The following UNC13C variants were observed in gnomAD, a reference collection of about 807,000 sequenced individuals.
UNC13C encodes the protein unc-13 homolog C, also known as protein unc-13 homolog C.
Under a neutral mutation model 245.4 loss-of-function variants are expected in UNC13C, and 174 were observed. The ratio of observed to expected loss-of-function variants is 0.71; its 90% CI spans 0.63 to 0.80. UNC13C has a LOEUF of 0.80. Ranked by LOEUF, UNC13C falls within the 30% of genes least tolerant of loss-of-function variation. The pLI is 0.00. For missense variants in UNC13C, 2,829 were observed against 2,602.9 expected (o/e 1.09, Z -1.89); for synonymous variants, 992 against 895.1 (o/e 1.11, Z -1.93).
intron 17 of UNC13C, among the ~76,000 whole-genome samples, chr15:54,342,341 G>A (rs1228783109): frequency 6.6e-6 from 1 of 152,064 alleles, no homozygotes; most frequent in Admixed American, 6.6e-5. Context: ...TATAAAATTG[G>A]ATTTTACAAA....
intron 17 of UNC13C, among the ~76,000 whole-genome samples, chr15:54,378,520 T>C (rs1410505425): frequency 6.6e-6 from 1 of 151,908 alleles, no homozygotes; most frequent in Non-Finnish European, 1.5e-5. Context: ...TACCATAAAC[T>C]TAATTAAATG....
chr15:54,275,053 A>G (rs1244915865), intron 10 of UNC13C, among the ~76,000 whole-genome samples: 1 of 152,168 alleles, frequency 6.6e-6, no homozygotes, highest in Non-Finnish European at 1.5e-5. Flanking sequence ...GAAAGCAAAT[A>G]GCAAGATGAT....
chr15:54,074,118 C>T (rs886672043), intron 2 of UNC13C, among the ~76,000 whole-genome samples: 11 of 107,152 alleles, frequency 1.0e-4, no homozygotes, highest in Non-Finnish European at 1.5e-4. Context: ...TTTCCCAACA[C>T]CATTTATTGA....
intron 2 of UNC13C, among the ~76,000 whole-genome samples, chr15:54,052,514 C>A (rs1897316224): frequency 6.6e-6 from 1 of 151,988 alleles, no homozygotes; most frequent in African/African-American, 2.4e-5. Flanking sequence ...GATGGCCAGA[C>A]TTTAAATCTC....
intron 4 of UNC13C, among the ~76,000 whole-genome samples, chr15:54,198,382 T>A (rs561037553): frequency 5.3e-5 from 8 of 152,118 alleles, no homozygotes; most frequent in African/African-American, 1.9e-4. Context: ...AAACACCACC[T>A]CCTGGCTAGA....
intron 19 of UNC13C, among the ~76,000 whole-genome samples, chr15:54,492,081 T>A (rs1286705426): frequency 6.6e-6 from 1 of 152,154 alleles, no homozygotes; most frequent in Non-Finnish European, 1.5e-5. Context: ...ACTCATATAT[T>A]TTCTTTTTCT....
At chr15:54,306,681 A>G (rs1368850095) in intron 13 of UNC13C, among the ~76,000 whole-genome samples, 1 of 152,004 alleles carries the variant, frequency 6.6e-6, no homozygotes, top group Non-Finnish European at 1.5e-5. Flanking sequence ...ATTTATTGTA[A>G]CATGAAGGCT....
At chr15:54,448,002 T>C (rs2141001874) in intron 19 of UNC13C, among the ~76,000 whole-genome samples, 1 of 152,332 alleles carries the variant, frequency 6.6e-6, no homozygotes, top group East Asian at 1.9e-4. Flanking sequence ...TCAAAGAACA[T>C]CTTTATTTCT....
chr15:54,265,390 A>G lies in UNC13C; in HGVS notation c.3712A>G (p.Thr1238Ala), dbSNP rs2036527533. The change falls in exon 10 of 33, where the codon ACA becomes GCA. Residue 1238 changes from threonine to alanine, a missense_variant. Thr to Ala is a moderately conservative substitution (Grantham distance 58). Transcript: ENST00000260323. The part of the protein sequence containing the change: ...SAQGLQAKDK[T>A]GSSDPYVTVQ... The stretch of plus-strand genomic sequence containing the variant: ...ACAGGGTCTACAGGCAAAAGATAAA[A>G]CAGGGTCTAGTGATCCATATGTTAC... 1.3e-6 allele frequency: 2 copies of G among 1,587,638 alleles called. No individual in the cohort carries two copies. Among genetic ancestry groups the G allele is most frequent in the South Asian group, 2.3e-5 (2 of 86,236 alleles).
At chr15:53,901,957 T>C in the UNC13C span, among the ~76,000 whole-genome samples, 1 of 152,156 alleles carries the variant, frequency 6.6e-6, no homozygotes, top group Non-Finnish European at 1.5e-5. Context: ...ATCTACAAAA[T>C]TAAGTTATTA....
At chr15:54,288,681 CTTATAGCGTCT>C (rs1038287014) in intron 10 of UNC13C, among the ~76,000 whole-genome samples, 1 of 152,034 alleles carries the variant, frequency 6.6e-6, no homozygotes, top group Non-Finnish European at 1.5e-5. Flanking sequence ...TATGAGTGTA[CTTATAGCGTCT>C]GCCACCAACA....
chr15:54,414,621 T>C (rs907303214), intron 18 of UNC13C, among the ~76,000 whole-genome samples: 12 of 151,796 alleles, frequency 7.9e-5, no homozygotes, highest in African/African-American at 2.7e-4. Context: ...CACTCCAGCC[T>C]GGGTGAAGAG....
At chr15:54,037,745 A>G (rs988829036) in intron 2 of UNC13C, among the ~76,000 whole-genome samples, 1 of 152,084 alleles carries the variant, frequency 6.6e-6, no homozygotes, top group Non-Finnish European at 1.5e-5. Flanking sequence ...AACGCCATTC[A>G]CTTTGCACTT....
the UNC13C span, among the ~76,000 whole-genome samples, chr15:53,841,917 T>G: frequency 6.6e-6 from 1 of 152,204 alleles, no homozygotes; most frequent in Non-Finnish European, 1.5e-5. Context: ...AACTGTAGAC[T>G]CTTGCTTTAG....
At chr15:54,038,124 A>ATTTAAAAATTTTTTTTTTTTTTTTT (rs1896664953) in intron 2 of UNC13C, among the ~76,000 whole-genome samples, 1 of 45,040 alleles carries the variant, frequency 2.2e-5, no homozygotes, top group African/African-American at 1.1e-4. Context: ...ATATATATAT[A>ATTTAAAAATTTTTTTTTTTTTTTTT]TTTTTTTTTT....
chr15:53,968,841 T>A, the UNC13C span, among the ~76,000 whole-genome samples: 1 of 152,310 alleles, frequency 6.6e-6, no homozygotes, highest in Admixed American at 6.5e-5. Flanking sequence ...CAACATTCTG[T>A]ATTTCTGCTC....
intron 17 of UNC13C, among the ~76,000 whole-genome samples, chr15:54,379,352 C>T (rs2039672443): frequency 1.3e-5 from 2 of 152,030 alleles, no homozygotes; most frequent in South Asian, 4.1e-4. Flanking sequence ...AAAGATACAT[C>T]TTTCATTATC....
intron 7 of UNC13C, among the ~76,000 whole-genome samples, chr15:54,240,411 C>G (rs184918452): frequency 6.6e-6 from 1 of 152,118 alleles, no homozygotes; most frequent in Non-Finnish European, 1.5e-5. Context: ...ACACTTGATA[C>G]AAAAGCATAA....
the UNC13C span, among the ~76,000 whole-genome samples, chr15:53,961,078 G>T: frequency 1.3e-5 from 2 of 152,278 alleles, 1 homozygote; most frequent in South Asian, 4.1e-4. Flanking sequence ...CCTATTTTTT[G>T]ATGGTTCCTA....
Sources: allele counts gnomAD v4.1 joint callset (sites outside exome capture counted in the v4.1 genomes callset), GRCh38; gene constraint gnomAD v4.1.1; transcripts MANE v1.5; gene names NCBI Gene and HGNC (gene_info 2026-07-23, HGNC 2026-07-21).